The following CDC42SE2 variants were observed in gnomAD, a reference collection of about 807,000 sequenced individuals.
The protein encoded by CDC42SE2 is CDC42 small effector protein 2.
Under a neutral mutation model 11.5 loss-of-function variants are expected in CDC42SE2, and 3 were observed. The ratio of observed to expected loss-of-function variants is 0.26; its 90% CI spans 0.12 to 0.67. The LOEUF (loss-of-function observed/expected upper bound fraction) is 0.67, where lower values mean the gene tolerates loss of function less well. Ranked by LOEUF, CDC42SE2 falls within the 30% of genes least tolerant of loss-of-function variation. The pLI is 0.80. For missense variants in CDC42SE2, 82 were observed against 106.8 expected (o/e 0.77, Z 1.02); for synonymous variants, 33 against 34.8 (o/e 0.95, Z 0.18).
intron 1 of CDC42SE2, among the ~76,000 whole-genome samples, chr5:131,299,106 A>G (rs1014450549): frequency 6.6e-6 from 1 of 152,200 alleles, no homozygotes; most frequent in Non-Finnish European, 1.5e-5. Context: ...TGGGGTATCA[A>G]ATGGAAGAGG....
rs951141830 is a variant in CDC42SE2 at position 131,316,097 on chromosome 5, T to C, written c.-333T>C. 2.0e-5 allele frequency: 3 copies of C among 152,372 alleles called. No individual in the cohort carries two copies. Among genetic ancestry groups the C allele is most frequent in the African/African-American group, 4.8e-5 (2 of 41,460 alleles). 9.4% of individuals were successfully genotyped at this position (152,372 alleles called of 1,614,324 possible). On this transcript the variant is annotated 5_prime_UTR_variant, in exon 2 of 5. Coordinates refer to ENST00000505065, the MANE Select transcript of CDC42SE2 (RefSeq NM_001375635.1). ...TCATCTGTATGCATAATATGGAATG[T>C]TCTTAACCCAGAAGTAGCTGAATGT...
the CDC42SE2 span, among the ~76,000 whole-genome samples, chr5:131,239,180 T>TAAGA: frequency 6.0e-5 from 9 of 150,798 alleles, no homozygotes; most frequent in East Asian, 5.8e-4. Flanking sequence ...AAAATAAAAA[T>TAAGA]AAGAAAGAAA....
chr5:131,332,724 A>G (rs1003335119), intron 2 of CDC42SE2, among the ~76,000 whole-genome samples: 2 of 152,142 alleles, frequency 1.3e-5, no homozygotes, highest in African/African-American at 4.8e-5. Flanking sequence ...GCCAGTGATG[A>G]TGAGCATTTT....
intron 2 of CDC42SE2, among the ~76,000 whole-genome samples, 155 bp from the exon 3 acceptor site, chr5:131,359,054 G>T (rs1398177260): frequency 2.0e-5 from 3 of 152,040 alleles, no homozygotes; most frequent in Non-Finnish European, 4.4e-5. Context: ...TTAAAAAGTT[G>T]CTCAAAAAAT....
At chr5:131,351,907 G>C (rs1291652211) in intron 2 of CDC42SE2, among the ~76,000 whole-genome samples, 1 of 152,134 alleles carries the variant, frequency 6.6e-6, no homozygotes, top group East Asian at 1.9e-4. Flanking sequence ...TATTCACTAT[G>C]CATATATTGG....
the CDC42SE2 span, among the ~76,000 whole-genome samples, chr5:131,217,369 A>G: frequency 2.0e-5 from 3 of 152,222 alleles, no homozygotes; most frequent in Non-Finnish European, 2.9e-5. Flanking sequence ...TGCTATCTGT[A>G]TTGGCAATTT....
At chr5:131,262,167 G>GTT (rs111700927), upstream of CDC42SE2, among the ~76,000 whole-genome samples, 5,899 of 144,326 alleles carry the variant, frequency 0.041, 364 homozygotes, top group African/African-American at 0.13. Context: ...GAATTTTCTG[G>GTT]TTTTTTTTTT....
At chr5:131,288,211 G>T (rs1757381132) in intron 1 of CDC42SE2, among the ~76,000 whole-genome samples, 1 of 150,800 alleles carries the variant, frequency 6.6e-6, no homozygotes, top group Admixed American at 6.6e-5. Context: ...GTGACAGAGG[G>T]AGACCCTGCC....
At chr5:131,280,149 A>T (rs2149701244) in intron 1 of CDC42SE2, among the ~76,000 whole-genome samples, 1 of 152,314 alleles carries the variant, frequency 6.6e-6, no homozygotes, top group Admixed American at 6.5e-5. Flanking sequence ...GAATAACTGG[A>T]TTTGAACTGG....
chr5:131,280,886 G>C (rs1757224739), intron 1 of CDC42SE2, among the ~76,000 whole-genome samples: 1 of 152,120 alleles, frequency 6.6e-6, no homozygotes, highest in African/African-American at 2.4e-5. Flanking sequence ...AGAATGAGGA[G>C]TGAAATAGTT....
intron 2 of CDC42SE2, among the ~76,000 whole-genome samples, chr5:131,257,050 C>T (rs1756684418): frequency 6.6e-6 from 1 of 152,158 alleles, no homozygotes; most frequent in Admixed American, 6.6e-5. Flanking sequence ...AGGGCATGTA[C>T]ACCAACACAG....
chr5:131,317,386 A>G (rs190075611), intron 2 of CDC42SE2, among the ~76,000 whole-genome samples: 21 of 152,284 alleles, frequency 1.4e-4, no homozygotes, highest in Non-Finnish European at 2.6e-4. Context: ...TTTCTGTGAT[A>G]ATTATAGGAA....
At chr5:131,261,753 G>C (rs947063400), upstream of CDC42SE2, 10 of 152,236 alleles carry the variant, frequency 6.6e-5, no homozygotes, top group African/African-American at 2.4e-4. Flanking sequence ...GGGAGGCTGA[G>C]GTGGGAGGAT....
At chr5:131,353,533 T>C (rs1221881047) in intron 2 of CDC42SE2, among the ~76,000 whole-genome samples, 1 of 152,196 alleles carries the variant, frequency 6.6e-6, no homozygotes, top group Non-Finnish European at 1.5e-5. Flanking sequence ...CCTCCCACTT[T>C]AGCCTCCCAA....
chr5:131,264,976 G>A (rs1580719299), intron 1 of CDC42SE2, among the ~76,000 whole-genome samples: 1 of 152,156 alleles, frequency 6.6e-6, no homozygotes, highest in African/African-American at 2.4e-5. Context: ...TCGTTGAAGG[G>A]CCTGGCTTAT....
intron 1 of CDC42SE2, among the ~76,000 whole-genome samples, chr5:131,270,018 A>G (rs930580844): frequency 6.6e-6 from 1 of 151,632 alleles, no homozygotes; most frequent in African/African-American, 2.4e-5. Context: ...CTGGGATGGC[A>G]CCACTCTACT....
At chr5:131,292,063 G>A (rs1213407620) in intron 1 of CDC42SE2, among the ~76,000 whole-genome samples, 2 of 151,778 alleles carry the variant, frequency 1.3e-5, no homozygotes, top group Non-Finnish European at 2.9e-5. Flanking sequence ...CTAACATGGT[G>A]AAACCCCATC....
the CDC42SE2 span, among the ~76,000 whole-genome samples, chr5:131,229,260 C>T: frequency 6.6e-6 from 1 of 151,992 alleles, no homozygotes; most frequent in African/African-American, 2.4e-5. Context: ...AGTGATCCTC[C>T]CACCCCAGCC....
rs957172650 is a variant in CDC42SE2, at chr5:131,271,965, A to G, written c.-455+7799A>G. Among the ~76,000 whole-genome samples the G allele has an allele frequency of 3.9e-5, 6 of 152,000 alleles. No individual in the cohort carries two copies. The East Asian group carries it at 1.2e-3, about 29-fold the overall frequency. On this transcript the variant is annotated intron_variant, in intron 1 of 4. Transcript: ENST00000505065. ...TCTCCCTTTAAATTCATGACCACTG[A>G]CCTAAGGAGGGCCCTTTGTGTTGCT...
Sources: gnomAD v4.1 joint callset for allele counts (sites outside exome capture counted in the v4.1 genomes callset) on GRCh38, gnomAD v4.1.1 for gene constraint, MANE v1.5 for transcripts, NCBI Gene and HGNC (gene_info 2026-07-23, HGNC 2026-07-21) for gene names.